Variants in RUNX1T1 observed in about 807,000 individuals in gnomAD.
The protein encoded by RUNX1T1 is protein CBFA2T1.
In RUNX1T1, 4 loss-of-function variants were observed where a neutral mutation model predicts 62.8. That is an observed-to-expected ratio of 0.06 (90% CI 0.03 to 0.15). The LOEUF (loss-of-function observed/expected upper bound fraction) is 0.15. Ranked by LOEUF, RUNX1T1 falls within the 10% of genes least tolerant of loss-of-function variation. RUNX1T1 has a pLI of 1.00. For missense variants in RUNX1T1, 508 were observed against 754.3 expected, an observed-to-expected ratio of 0.67 and a Z score of 3.82; for synonymous variants, 291 against 286.0, an observed-to-expected ratio of 1.02 and a Z score of -0.18.
intron 5 of RUNX1T1, among the ~76,000 whole-genome samples, chr8:91,995,402 T>C (rs187915117): frequency 1.6e-3 from 239 of 152,296 alleles, no homozygotes; most frequent in Middle Eastern, 3.4e-3. Flanking sequence ...CAGGTCTTAC[T>C]GTCCTATCCT....
intron 1 of RUNX1T1, among the ~76,000 whole-genome samples, chr8:92,035,401 A>G (rs1271537231): frequency 1.3e-5 from 2 of 152,170 alleles, no homozygotes; most frequent in East Asian, 3.9e-4. Flanking sequence ...TTTTAGGTAT[A>G]ATGATCACAT....
chr8:92,031,150 T>G (rs1417771679), intron 1 of RUNX1T1, among the ~76,000 whole-genome samples: 2 of 152,184 alleles, frequency 1.3e-5, no homozygotes, highest in Non-Finnish European at 2.9e-5. Context: ...TTCTGTCAAT[T>G]CCACTTCTAA....
At chr8:92,072,067 A>G (rs1326822210) in intron 2 of RUNX1T1, among the ~76,000 whole-genome samples, 1 of 152,240 alleles carries the variant, frequency 6.6e-6, no homozygotes, top group Admixed American at 6.5e-5. Flanking sequence ...AAATTCATAT[A>G]CAGCAAATCT....
chr8:92,017,148 C>T (rs1823175888), intron 2 of RUNX1T1, 78 bp downstream of exon 3: 4 of 1,070,668 alleles, frequency 3.7e-6, no homozygotes, highest in African/African-American at 1.6e-5. Context: ...TTTTATTTTC[C>T]CTTGATTTTT....
chr8:91,984,223 G>C (rs1816054365), intron 8 of RUNX1T1, among the ~76,000 whole-genome samples: 1 of 152,026 alleles, frequency 6.6e-6, no homozygotes, highest in Non-Finnish European at 1.5e-5. Flanking sequence ...ATGTAGCAGG[G>C]ACAATGAACC....
At chr8:92,086,997 T>C (rs961351235) in intron 1 of RUNX1T1, among the ~76,000 whole-genome samples, 4 of 152,226 alleles carry the variant, frequency 2.6e-5, no homozygotes, top group Admixed American at 6.5e-5. Context: ...GGTTTCCTTT[T>C]GCCTAGCTCA....
Position 91,973,662 on chromosome 8 carries a change from G to A in RUNX1T1, c.1267+2243C>T, listed in dbSNP as rs1021379731. 2.6e-5 allele frequency among the ~76,000 whole-genome samples: 4 copies of A among 152,016 alleles called. 1 individual carries two copies. In the East Asian group the frequency reaches 7.7e-4, roughly 29 times the overall value. On this transcript the variant is annotated intron_variant, in intron 9 of 10. Transcript: ENST00000396218. ...CCAATTTTAGAAAGCTAGGATAAAA[G>A]CTTTCAAATTGTAACAAGCTGAGTG...
intron 1 of RUNX1T1, among the ~76,000 whole-genome samples, chr8:92,091,235 C>G (rs563836130): frequency 4.6e-5 from 7 of 152,230 alleles, no homozygotes; most frequent in South Asian, 2.1e-4. Flanking sequence ...AGGCCTTGAT[C>G]GATATGAAAC....
upstream of RUNX1T1, among the ~76,000 whole-genome samples, chr8:92,102,423 GA>G (rs1020530151): frequency 7.5e-3 from 748 of 100,332 alleles, 5 homozygotes; most frequent in East Asian, 0.041. The surrounding 1 kb of genome is among the most constrained non-coding windows in gnomAD (Gnocchi z 4.5). Flanking sequence ...AAAAAGAAAA[GA>G]AAAAAAAAAA....
chr8:92,062,600 A>G (rs978776261), exon 1 of RUNX1T1: 4 of 1,613,960 alleles, frequency 2.5e-6, no homozygotes, highest in Non-Finnish European at 2.5e-6. Context: ...CCTAAAAGCA[A>G]GCGCGTTCCG....
At chr8:92,101,556 T>A (rs1391849923), upstream of RUNX1T1, among the ~76,000 whole-genome samples, 2 of 152,156 alleles carry the variant, frequency 1.3e-5, no homozygotes, top group Non-Finnish European at 1.5e-5. Flanking sequence ...CTTCAAGGGT[T>A]TCTCCGTTAC....
chr8:91,976,062 C>G, intron 8 of RUNX1T1, 89 bp from the exon 10 acceptor site: 2 of 895,018 alleles, frequency 2.2e-6, no homozygotes, highest in Non-Finnish European at 3.7e-6. Context: ...TAAGCAATGC[C>G]CATTCTCCTG....
intron 1 of RUNX1T1, among the ~76,000 whole-genome samples, chr8:92,023,216 C>T (rs1824456923): frequency 1.3e-5 from 2 of 152,112 alleles, no homozygotes; most frequent in Admixed American, 6.6e-5. Context: ...TAAGTAATTA[C>T]TTCCCTTCAC....
chr8:91,964,830 AGT>A lies in RUNX1T1; in HGVS notation c.1459-4315_1459-4314del, dbSNP rs902825400. 7.2e-5 allele frequency among the ~76,000 whole-genome samples: 11 copies of A among 152,320 alleles called. 1 individual carries two copies. In the South Asian group the frequency reaches 1.2e-3, roughly 17 times the overall value. ...AGAGGCAGCAAAGACAAGGTGTCAG[AGT>A]GTGTAATGAAAATGGCACAGGCTTC... On this transcript the variant is annotated intron_variant, in intron 10 of 10. Coordinates refer to ENST00000396218, the Ensembl canonical transcript of RUNX1T1.
chr8:92,050,514 C>T lies in RUNX1T1; in HGVS notation c.7+12032G>A, dbSNP rs899404208. On this transcript the variant is annotated intron_variant, in intron 1 of 10. Coordinates refer to ENST00000396218, the Ensembl canonical transcript of RUNX1T1. ...ATCTCATTTAATTTTCACAATAATG[C>T]CATGGCCTTAAGGTATTAATTTTCC... Among the ~76,000 whole-genome samples, 2 of 152,242 alleles carry T rather than the reference C, an allele frequency of 1.3e-5. 1 individual carries two copies.
At chr8:91,997,977 A>G (rs1244467620) in intron 5 of RUNX1T1, among the ~76,000 whole-genome samples, 1 of 152,210 alleles carries the variant, frequency 6.6e-6, no homozygotes, top group Non-Finnish European at 1.5e-5. Context: ...TCTAAATCTT[A>G]GGAAGGTAGT....
At chr8:92,095,660 G>C in intron 1 of RUNX1T1, 25 of 1,013,876 alleles carry the variant, frequency 2.5e-5, no homozygotes, top group Non-Finnish European at 2.9e-5. Flanking sequence ...GAGGGAAGGA[G>C]AGACACAGGC....
intron 1 of RUNX1T1, among the ~76,000 whole-genome samples, chr8:92,022,284 C>T (rs1563777469): frequency 6.6e-6 from 1 of 152,048 alleles, no homozygotes; most frequent in African/African-American, 2.4e-5. Flanking sequence ...ACAGTATACA[C>T]AGAGAGAGGA....
At chr8:91,974,943 G>A (rs1264638346) in intron 9 of RUNX1T1, among the ~76,000 whole-genome samples, 1 of 152,174 alleles carries the variant, frequency 6.6e-6, no homozygotes, top group African/African-American at 2.4e-5. Context: ...ACACAGCTGA[G>A]TGAAATCCCA....
Sources: allele counts gnomAD v4.1 joint callset (sites outside exome capture counted in the v4.1 genomes callset), GRCh38; gene constraint gnomAD v4.1.1; non-coding constraint Gnocchi (gnomAD v3.1); transcripts MANE v1.5; gene names NCBI Gene and HGNC (gene_info 2026-07-23, HGNC 2026-07-21).